The following KANK4 variants were observed in gnomAD, a reference collection of about 807,000 sequenced individuals.
KANK4 encodes the protein KN motif and ankyrin repeat domains 4.
In KANK4, 50 loss-of-function variants were observed where a neutral mutation model predicts 80.8. The ratio of observed to expected loss-of-function variants is 0.62; its 90% CI spans 0.49 to 0.78. The LOEUF (loss-of-function observed/expected upper bound fraction) is 0.78, where lower values mean the gene tolerates loss of function less well. Ranked by LOEUF, KANK4 falls within the 30% of genes least tolerant of loss-of-function variation. The pLI, the probability that KANK4 is intolerant of heterozygous loss-of-function variation, is 0.00. For synonymous variants in KANK4, 465 were observed against 506.9 expected (o/e 0.92, Z 1.11); for missense variants, 1,196 against 1,240.1 (o/e 0.96, Z 0.53).
chr1:62,301,496 G>A (rs926940620), intron 1 of KANK4, among the ~76,000 whole-genome samples: 2 of 151,942 alleles, frequency 1.3e-5, no homozygotes, highest in Non-Finnish European at 2.9e-5. Flanking sequence ...AGCACCCACC[G>A]CTTATTAAAT....
intron 7 of KANK4, among the ~76,000 whole-genome samples, chr1:62,253,859 A>G (rs1671687080): frequency 6.6e-6 from 1 of 152,202 alleles, no homozygotes; most frequent in African/African-American, 2.4e-5. Flanking sequence ...AGATGAGGAC[A>G]CTGAGGGCCA....
chr1:62,300,212 C>T (rs1358991617), intron 1 of KANK4, among the ~76,000 whole-genome samples: 1 of 152,108 alleles, frequency 6.6e-6, no homozygotes. Context: ...CCTTCACTGG[C>T]CACAAGGCAT....
At chr1:62,282,706 G>C (rs1161830105) in intron 1 of KANK4, among the ~76,000 whole-genome samples, 1 of 152,222 alleles carries the variant, frequency 6.6e-6, no homozygotes, top group East Asian at 1.9e-4. Context: ...ACTTCTTCCT[G>C]CGAGTGCTGC....
intron 1 of KANK4, among the ~76,000 whole-genome samples, chr1:62,286,810 A>T (rs1375693934): frequency 6.6e-6 from 1 of 152,018 alleles, no homozygotes; most frequent in East Asian, 1.9e-4. Flanking sequence ...AACAAACGGA[A>T]ATCTGTCGGG....
chr1:62,239,352 T>C (rs1230218373), intron 9 of KANK4, among the ~76,000 whole-genome samples: 1 of 152,208 alleles, frequency 6.6e-6, no homozygotes, highest in Non-Finnish European at 1.5e-5. Flanking sequence ...TTTTTCTTTT[T>C]GGCTGTGTAA....
Position 62,273,975 on chromosome 1 carries a change from T to A in KANK4, c.1129A>T (p.Ile377Phe). The change falls in exon 3 of 10, where the codon ATC (isoleucine) becomes TTC (phenylalanine). Residue 377 changes from isoleucine to phenylalanine, a missense_variant. By Grantham distance (21) the Ile-to-Phe change is conservative (BLOSUM62 0). Around this residue, in one of 3 missense-constraint regions of KANK4, gnomAD observed 1,154 missense variants for 1,179.6 expected, o/e 0.98. Coordinates refer to ENST00000371153, the MANE Select transcript of KANK4 (RefSeq NM_181712.5). ...CGAATTCTTTGCTCCCTAGCTTTGA[T>A]TTCCTCTTCCTGCTGCTGGAGAGCA... ...RTALQQQEEE[I>F]KAREQRIREL... The A allele has an allele frequency of 6.2e-7, 1 of 1,614,208 alleles. No individual in the cohort carries two copies. Among genetic ancestry groups the A allele is most frequent in the Non-Finnish European group, 8.5e-7 (1 of 1,180,048 alleles).
At chr1:62,318,984 G>A (rs12144713) in intron 1 of KANK4, 122 bp downstream of exon 1, 83,325 of 152,436 alleles carry the variant, frequency 0.55, 23,902 homozygotes, top group South Asian at 0.65. Context: ...ACTGGGCGAG[G>A]CGGGTGGCAG....
chr1:62,270,648 C>A (rs975603955), intron 4 of KANK4, among the ~76,000 whole-genome samples: 1 of 151,954 alleles, frequency 6.6e-6, no homozygotes, highest in South Asian at 2.1e-4. Flanking sequence ...CCTCCCAAAG[C>A]GCTGGGATTA....
intron 4 of KANK4, among the ~76,000 whole-genome samples, chr1:62,268,757 A>T (rs984207418): frequency 6.6e-5 from 10 of 152,134 alleles, no homozygotes; most frequent in African/African-American, 2.2e-4. Context: ...TTGTCAAAAT[A>T]ATTAACTGTG....
chr1:62,313,101 G>T (rs1644510927), intron 1 of KANK4, among the ~76,000 whole-genome samples: 2 of 152,110 alleles, frequency 1.3e-5, no homozygotes, highest in South Asian at 4.1e-4. Context: ...CATAGTTTTT[G>T]TTACAGTATT....
chr1:62,307,634 T>G (rs555046012), intron 1 of KANK4, among the ~76,000 whole-genome samples: 1 of 152,306 alleles, frequency 6.6e-6, no homozygotes, highest in South Asian at 2.1e-4. Flanking sequence ...AGTAAGCTTA[T>G]GGCAGAGATT....
At chr1:62,263,482 T>G in intron 6 of KANK4, 171 bp from the exon 7 acceptor site, 1 of 636,924 alleles carries the variant, frequency 1.6e-6, no homozygotes, top group East Asian at 2.9e-5. Context: ...AGCAACATAC[T>G]TTGTACTTGT....
At chr1:62,267,142 T>C (rs577950372) in intron 5 of KANK4, among the ~76,000 whole-genome samples, 1 of 152,260 alleles carries the variant, frequency 6.6e-6, no homozygotes, top group Non-Finnish European at 1.5e-5. Flanking sequence ...TTTCCTGGCA[T>C]GCTGGGAAGG....
intron 1 of KANK4, among the ~76,000 whole-genome samples, chr1:62,289,402 T>C (rs919596023): frequency 1.1e-4 from 16 of 152,102 alleles, no homozygotes; most frequent in African/African-American, 3.6e-4. Context: ...GAAAAATGTT[T>C]TTTTCAAAGA....
rs774660169 is a variant in KANK4 at position 62,273,696 on chromosome 1, C to A, written c.1408G>T (p.Glu470Ter). 4.3e-6 allele frequency: 7 copies of A among 1,614,046 alleles called. No individual in the cohort carries two copies. The highest frequency in any genetic ancestry group is 3.3e-5 in the Admixed American group (2 of 60,014). ...GHKQGNQSPA[E>*]RVLLPQLSLP... ...GACAGCTGGGGCAGAAGCACACGTTCTGCTGGGCTCTGATTCCCTTGTTTA... is the reference window on the plus strand; with the variant it reads ...GACAGCTGGGGCAGAAGCACACGTTATGCTGGGCTCTGATTCCCTTGTTTA... The change falls in exon 3 of 10, where the codon GAA becomes TAA. Residue 470 changes from glutamate (E) to a stop codon, truncating the protein, a stop_gained. Coordinates refer to ENST00000371153, the MANE Select transcript of KANK4 (RefSeq NM_181712.5). LOFTEE classifies it high-confidence loss of function.
chr1:62,273,665 GGCAGTGACA>G lies in KANK4; in HGVS notation c.1430_1438del (p.Leu477_Leu479del), dbSNP rs755377709. 3.7e-6 allele frequency: 6 copies of G among 1,614,140 alleles called. No individual in the cohort carries two copies. The African/African-American group carries it at 8.0e-5, about 22-fold the overall frequency. On this transcript the variant is annotated inframe_deletion, in exon 3 of 10. Coordinates refer to ENST00000371153, the MANE Select transcript of KANK4 (RefSeq NM_181712.5). The stretch of plus-strand genomic sequence containing the variant: ...GGTAAGGACCTGCTCGGGTCCCTGT[GGCAGTGACA>G]GCTGGGGCAGAAGCACACGTTCTGC...
intron 7 of KANK4, among the ~76,000 whole-genome samples, chr1:62,262,512 A>G (rs922798831): frequency 2.0e-4 from 30 of 152,202 alleles, no homozygotes; most frequent in African/African-American, 6.3e-4. Context: ...CACAATTGCA[A>G]AGACATGGAA....
chr1:62,279,194 G>GCTCACACACACA (rs1472669654), intron 2 of KANK4, among the ~76,000 whole-genome samples: 1 of 51,806 alleles, frequency 1.9e-5, no homozygotes, highest in African/African-American at 7.2e-5. Flanking sequence ...CTAAGCTAGC[G>GCTCACACACACA]CGCGCACACA....
chr1:62,280,597 T>C (rs1412007534), intron 2 of KANK4, among the ~76,000 whole-genome samples: 4 of 152,152 alleles, frequency 2.6e-5, no homozygotes, highest in South Asian at 2.1e-4. Flanking sequence ...TCCTGATATA[T>C]GGTGATCTAG....
Sources: gnomAD v4.1 joint callset for allele counts (sites outside exome capture counted in the v4.1 genomes callset) on GRCh38, gnomAD v4.1.1 for gene constraint, gnomAD v4.1.1 regional missense constraint, MANE v1.5 for transcripts, NCBI Gene and HGNC (gene_info 2026-07-23, HGNC 2026-07-21) for gene names.